The following PHACTR1 variants were observed in gnomAD, a reference collection of about 807,000 sequenced individuals.
PHACTR1 encodes the protein RPEL repeat containing 1.
A neutral mutation model predicts 69.2 loss-of-function variants in PHACTR1; 16 were observed. That is an observed-to-expected ratio of 0.23 (90% CI 0.16 to 0.35). The LOEUF (loss-of-function observed/expected upper bound fraction) is 0.35. Among genes scored for constraint, PHACTR1 ranks in the 10% least tolerant of loss-of-function variants. The pLI is 1.00. For missense variants in PHACTR1, 510 were observed against 734.7 expected (o/e 0.69, Z 3.54); for synonymous variants, 312 against 284.5 (o/e 1.10, Z -0.97).
At chr6:13,097,988 C>G (rs1292797144) in intron 5 of PHACTR1, among the ~76,000 whole-genome samples, 3 of 152,166 alleles carry the variant, frequency 2.0e-5, no homozygotes, top group African/African-American at 7.2e-5. Flanking sequence ...GTCCTGTTCT[C>G]CCACCTACTC....
chr6:12,732,714 A>T (rs954238302), intron 3 of PHACTR1, among the ~76,000 whole-genome samples: 11 of 152,224 alleles, frequency 7.2e-5, no homozygotes, highest in African/African-American at 2.7e-4. Context: ...TCTAACTTAA[A>T]TCAAGCTCCT....
chr6:13,170,881 AAGGC>A (rs1418816687), intron 6 of PHACTR1, among the ~76,000 whole-genome samples: 3 of 152,146 alleles, frequency 2.0e-5, no homozygotes, highest in African/African-American at 7.2e-5. Flanking sequence ...TGCTTGATTG[AAGGC>A]AGTCTGTTAC....
intron 4 of PHACTR1, among the ~76,000 whole-genome samples, chr6:12,754,731 T>C (rs1767087853): frequency 6.6e-6 from 1 of 152,216 alleles, no homozygotes; most frequent in Admixed American, 6.5e-5. Flanking sequence ...CAACCAGGGA[T>C]GGGACATATT....
intron 4 of PHACTR1, among the ~76,000 whole-genome samples, chr6:12,836,685 C>G (rs759130199): frequency 3.3e-5 from 5 of 152,204 alleles, no homozygotes; most frequent in Non-Finnish European, 5.9e-5. Context: ...TGCTCTCTGA[C>G]CTGCTTCCTC....
intron 5 of PHACTR1, among the ~76,000 whole-genome samples, chr6:13,131,592 T>C (rs574115233): frequency 1.3e-4 from 20 of 152,256 alleles, no homozygotes; most frequent in African/African-American, 4.3e-4. Flanking sequence ...CCAAAAACAA[T>C]TGAAATAAAA....
intron 3 of PHACTR1, among the ~76,000 whole-genome samples, chr6:12,720,709 C>T (rs906082241): frequency 2.0e-5 from 3 of 152,206 alleles, no homozygotes; most frequent in African/African-American, 7.2e-5. Context: ...GTCAGTGTTT[C>T]AAAACCCCCA....
intron 4 of PHACTR1, among the ~76,000 whole-genome samples, chr6:12,791,000 G>A (rs1019118026): frequency 6.6e-6 from 1 of 152,276 alleles, no homozygotes; most frequent in South Asian, 2.1e-4. Flanking sequence ...AGGCAAACAC[G>A]ATAGACATCC....
intron 3 of PHACTR1, among the ~76,000 whole-genome samples, chr6:12,735,644 C>G (rs962150937): frequency 3.3e-5 from 5 of 152,178 alleles, no homozygotes; most frequent in African/African-American, 1.2e-4. Flanking sequence ...ATTGAATTGT[C>G]TTTCATTCAT....
Position 13,286,245 on chromosome 6 carries a change from T to C in PHACTR1, c.1727+23T>C, listed in dbSNP as rs1196801655. 3.9e-6 allele frequency: 6 copies of C among 1,526,242 alleles called. No individual in the cohort carries two copies. In the East Asian group the frequency reaches 1.2e-4, roughly 30 times the overall value. The allele number at this position is 1,526,242 out of a possible 1,614,324, so 94.5% of individuals were successfully genotyped here. ...AAGGTTAGTATTAAGGGTTTTTTTT[T>C]TCCTTTTTTTCCCTCAAGTTGCAAT... On this transcript the variant is annotated intron_variant, in intron 14 of 14. Coordinates refer to ENST00000332995, the MANE Select transcript of PHACTR1 (RefSeq NM_030948.6).
At chr6:13,036,116 T>A (rs1282685461) in intron 4 of PHACTR1, among the ~76,000 whole-genome samples, 3 of 150,126 alleles carry the variant, frequency 2.0e-5, no homozygotes, top group African/African-American at 7.3e-5. Flanking sequence ...AGTGATGGGA[T>A]TAAATCCACC....
At chr6:12,723,090 A>G (rs1762327159) in intron 3 of PHACTR1, among the ~76,000 whole-genome samples, 1 of 152,182 alleles carries the variant, frequency 6.6e-6, no homozygotes, top group Non-Finnish European at 1.5e-5. Flanking sequence ...TAACATCATG[A>G]GATTTTTAGG....
chr6:12,757,520 C>T (rs920517327), intron 4 of PHACTR1, among the ~76,000 whole-genome samples: 3 of 152,010 alleles, frequency 2.0e-5, no homozygotes, highest in South Asian at 2.1e-4. Context: ...AGAGGGGCAC[C>T]GAAGAAGCAG....
At chr6:13,149,763 A>G (rs1353234926) in intron 5 of PHACTR1, among the ~76,000 whole-genome samples, 1 of 152,022 alleles carries the variant, frequency 6.6e-6, no homozygotes, top group Non-Finnish European at 1.5e-5. Context: ...GCAGCCCAAG[A>G]CAGCTTTGAA....
chr6:12,738,931 GT>G (rs1323717084), intron 3 of PHACTR1, among the ~76,000 whole-genome samples: 4 of 152,110 alleles, frequency 2.6e-5, no homozygotes, highest in African/African-American at 7.2e-5. Context: ...TATTATTTAT[GT>G]TTTTTAAACC....
chr6:12,973,923 T>TTTC (rs1794546429), intron 4 of PHACTR1, among the ~76,000 whole-genome samples: 1 of 141,546 alleles, frequency 7.1e-6, no homozygotes, highest in African/African-American at 2.7e-5. Flanking sequence ...GGGATTTTTT[T>TTTC]TTTTTTTTTT....
intron 4 of PHACTR1, among the ~76,000 whole-genome samples, chr6:12,973,484 A>G (rs1039848772): frequency 5.3e-5 from 8 of 152,222 alleles, no homozygotes; most frequent in African/African-American, 1.9e-4. Context: ...GGAATGTGGA[A>G]ATGTGGACAA....
At position 13,064,612 on chromosome 6, in the gene PHACTR1, ATCTATCTATC is replaced by A. The variant is rs1808318149; in HGVS notation, c.415+11084_415+11093del. 1.3e-3 allele frequency among the ~76,000 whole-genome samples: 16 copies of A among 12,206 alleles called. 1 individual carries two copies. The highest frequency in any genetic ancestry group is 2.0e-3 in the African/African-American group (4 of 2,030). The allele number at this position is 12,206 out of a possible 152,430, so 8.0% of individuals were successfully genotyped here. Reference sequence around the variant, plus strand: ...TATATATATATATATATATCTATATATCTATCTATCCACACTTGCCAGACTATGGAGGATT... The same window carrying A: ...TATATATATATATATATATCTATATACACACTTGCCAGACTATGGAGGATT... On this transcript the variant is annotated intron_variant, in intron 5 of 14. Transcript: ENST00000332995.
At chr6:13,038,267 G>A (rs1384962014) in intron 4 of PHACTR1, among the ~76,000 whole-genome samples, 1 of 152,124 alleles carries the variant, frequency 6.6e-6, no homozygotes. Flanking sequence ...CTGTGTCAAT[G>A]AGAAGAGCCT....
chr6:13,032,115 C>T (rs1330047134), intron 4 of PHACTR1, among the ~76,000 whole-genome samples: 2 of 152,122 alleles, frequency 1.3e-5, no homozygotes, highest in South Asian at 2.1e-4. Flanking sequence ...GAATAATTAC[C>T]CATGGAGATA....
Sources: allele counts gnomAD v4.1 joint callset (sites outside exome capture counted in the v4.1 genomes callset), GRCh38; gene constraint gnomAD v4.1.1; transcripts MANE v1.5; gene names NCBI Gene and HGNC (gene_info 2026-07-23, HGNC 2026-07-21).